The following NRXN3 variants were observed in gnomAD, a reference collection of about 807,000 sequenced individuals.
NRXN3 encodes the protein neurexin 3.
NRXN3 carries 32 observed loss-of-function variants against 137.6 expected under a neutral mutation model. That is an observed-to-expected ratio of 0.23 (90% CI 0.18 to 0.31). NRXN3 has a LOEUF of 0.31. Ranked by LOEUF, NRXN3 falls within the 10% of genes least tolerant of loss-of-function variation. NRXN3 has a pLI of 1.00. For synonymous variants in NRXN3, 798 were observed against 784.5 expected, an observed-to-expected ratio of 1.02 and a Z score of -0.29; for missense variants, 1,574 against 2,062.5, an observed-to-expected ratio of 0.76 and a Z score of 4.59.
chr14:79,387,631 T>G (rs937544229), intron 15 of NRXN3, among the ~76,000 whole-genome samples: 2 of 144,202 alleles, frequency 1.4e-5, no homozygotes, highest in African/African-American at 5.1e-5. Context: ...ATAAATCATG[T>G]TGCTATAAAG....
intron 15 of NRXN3, among the ~76,000 whole-genome samples, chr14:79,462,921 T>C (rs1158601442): frequency 6.6e-6 from 1 of 152,136 alleles, no homozygotes; most frequent in Non-Finnish European, 1.5e-5. Context: ...TACACATATG[T>C]ATGTATATAT....
intron 19 of NRXN3, among the ~76,000 whole-genome samples, chr14:79,728,836 C>T (rs544030386): frequency 6.6e-6 from 1 of 152,224 alleles, no homozygotes; most frequent in East Asian, 1.9e-4. Flanking sequence ...GCATTGACAG[C>T]AAAAGTAGAT....
intron 15 of NRXN3, among the ~76,000 whole-genome samples, chr14:78,997,315 A>G (rs543471975): frequency 1.3e-5 from 2 of 152,316 alleles, no homozygotes; most frequent in Admixed American, 6.5e-5. Context: ...CATCTTCCAC[A>G]TGCTATATTT....
At chr14:79,447,446 A>G (rs2096080468) in intron 15 of NRXN3, among the ~76,000 whole-genome samples, 1 of 152,244 alleles carries the variant, frequency 6.6e-6, no homozygotes, top group Non-Finnish European at 1.5e-5. Flanking sequence ...TTGCTGAAAA[A>G]CAAAAATGAC....
chr14:78,226,989 A>G (rs1028140871), intron 1 of NRXN3, among the ~76,000 whole-genome samples: 3 of 152,224 alleles, frequency 2.0e-5, no homozygotes, highest in Admixed American at 6.5e-5. Flanking sequence ...GGATGAGCCC[A>G]TAGGTTTTAT....
chr14:78,818,637 G>T (rs2153118515), intron 10 of NRXN3, among the ~76,000 whole-genome samples: 1 of 152,280 alleles, frequency 6.6e-6, no homozygotes, highest in Non-Finnish European at 1.5e-5. Context: ...GAAGGAAGAT[G>T]AACGTGTATC....
intron 15 of NRXN3, among the ~76,000 whole-genome samples, chr14:79,353,821 T>C (rs1007185888): frequency 2.0e-5 from 3 of 152,162 alleles, no homozygotes; most frequent in East Asian, 1.9e-4. Context: ...ATTACTGTTG[T>C]TCAGAGTGAC....
chr14:79,653,367 G>A (rs184601951), intron 16 of NRXN3, among the ~76,000 whole-genome samples: 66 of 152,260 alleles, frequency 4.3e-4, no homozygotes, highest in African/African-American at 1.5e-3. Flanking sequence ...TAACATCAGA[G>A]TGATGTGTGC....
intron 15 of NRXN3, among the ~76,000 whole-genome samples, chr14:79,385,194 A>C (rs987449660): frequency 1.7e-5 from 2 of 120,964 alleles, no homozygotes; most frequent in Admixed American, 9.4e-5. Flanking sequence ...ATATCTCCCA[A>C]TGCTATCCTT....
At chr14:79,439,128 G>T (rs1282828316) in intron 15 of NRXN3, among the ~76,000 whole-genome samples, 1 of 152,208 alleles carries the variant, frequency 6.6e-6, no homozygotes, top group Admixed American at 6.5e-5. Flanking sequence ...CACAGCACCT[G>T]CATGCCACCC....
At chr14:79,443,383 G>A (rs1180069826) in intron 15 of NRXN3, among the ~76,000 whole-genome samples, 2 of 152,044 alleles carry the variant, frequency 1.3e-5, no homozygotes, top group East Asian at 1.9e-4. Flanking sequence ...GATCTGGTCC[G>A]TAGTGGGTCT....
intron 2 of NRXN3, among the ~76,000 whole-genome samples, chr14:78,266,498 C>T (rs1041438817): frequency 2.6e-5 from 4 of 152,134 alleles, no homozygotes; most frequent in African/African-American, 9.7e-5. Context: ...AGGGTTTCAC[C>T]TTGTTGGCCA....
intron 8 of NRXN3, among the ~76,000 whole-genome samples, chr14:78,759,890 C>T (rs2098686008): frequency 6.6e-6 from 1 of 152,070 alleles, no homozygotes; most frequent in Non-Finnish European, 1.5e-5. Flanking sequence ...ACTGTCAATC[C>T]ATTTAAAGCC....
chr14:79,084,251 A>G (rs1027108598), intron 15 of NRXN3, among the ~76,000 whole-genome samples: 1 of 152,102 alleles, frequency 6.6e-6, no homozygotes, highest in Non-Finnish European at 1.5e-5. Flanking sequence ...GAAATGTTCT[A>G]TATCCTAATT....
intron 15 of NRXN3, among the ~76,000 whole-genome samples, chr14:79,403,948 A>G (rs1007783151): frequency 2.0e-5 from 3 of 152,156 alleles, no homozygotes; most frequent in Non-Finnish European, 4.4e-5. Context: ...CCAAACAACT[A>G]GATTGCATTA....
intron 20 of NRXN3, among the ~76,000 whole-genome samples, chr14:79,851,516 G>T (rs1462430641): frequency 1.3e-5 from 2 of 151,960 alleles, no homozygotes; most frequent in Non-Finnish European, 2.9e-5. Flanking sequence ...ATAATAAAAG[G>T]GGCGTCCCAT....
intron 15 of NRXN3, among the ~76,000 whole-genome samples, chr14:79,396,742 A>T (rs1179936340): frequency 6.6e-6 from 1 of 152,166 alleles, no homozygotes; most frequent in African/African-American, 2.4e-5. Flanking sequence ...ATTTACACAA[A>T]CCAAAGGTCA....
At chr14:78,395,386 G>A (rs1178576253) in intron 4 of NRXN3, among the ~76,000 whole-genome samples, 2 of 151,812 alleles carry the variant, frequency 1.3e-5, no homozygotes, top group African/African-American at 2.4e-5. Context: ...AATGTTGGTT[G>A]GCACATGCAC....
intron 1 of NRXN3, among the ~76,000 whole-genome samples, chr14:78,235,806 G>A (rs74625519): frequency 0.023 from 3,491 of 152,206 alleles, 126 homozygotes; most frequent in African/African-American, 0.077. Flanking sequence ...GATCAGCTCC[G>A]CAGATTTCAG....
Sources: gnomAD v4.1 joint callset for allele counts (sites outside exome capture counted in the v4.1 genomes callset) on GRCh38, gnomAD v4.1.1 for gene constraint, MANE v1.5 for transcripts, NCBI Gene and HGNC (gene_info 2026-07-23, HGNC 2026-07-21) for gene names.